PRICKLE2: variants seen among roughly 807,000 people sequenced by gnomAD.
The protein encoded by PRICKLE2 is prickle-like protein 2.
Under a neutral mutation model 81.4 loss-of-function variants are expected in PRICKLE2, and 21 were observed. The ratio of observed to expected loss-of-function variants is 0.26; its 90% CI spans 0.18 to 0.37. The LOEUF (loss-of-function observed/expected upper bound fraction) is 0.37, where lower values mean the gene tolerates loss of function less well. Ranked by LOEUF, PRICKLE2 falls within the 10% of genes least tolerant of loss-of-function variation. The pLI is 1.00. For synonymous variants in PRICKLE2, 456 were observed against 421.5 expected, an observed-to-expected ratio of 1.08 and a Z score of -1.00; for missense variants, 940 against 1,109.0, an observed-to-expected ratio of 0.85 and a Z score of 2.16.
rs567335855 is a variant in PRICKLE2, at chr3:64,109,824, G to C, written c.1661-9899C>G. The stretch of plus-strand genomic sequence containing the variant: ...GGACTTGCCTTTGAACTGGAGGTTG[G>C]GGAGTGACAAGCATTATAATGGGAC... On this transcript the variant is annotated intron_variant, in intron 7 of 7. Transcript: ENST00000638394. 3.3e-5 allele frequency among the ~76,000 whole-genome samples: 5 copies of C among 152,298 alleles called. No individual in the cohort carries two copies. In the East Asian group the frequency reaches 9.7e-4, roughly 29 times the overall value.
At chr3:64,186,599 C>T (rs1296135517) in intron 2 of PRICKLE2, among the ~76,000 whole-genome samples, 2 of 152,144 alleles carry the variant, frequency 1.3e-5, no homozygotes, top group Non-Finnish European at 2.9e-5. Flanking sequence ...TGGAAAGCTC[C>T]AGTTTTTGAT....
rs768032905 is a variant in PRICKLE2, at chr3:64,146,972, T to TTCCTCC, written c.1512_1517dup (p.Glu509_Glu510dup). Reference sequence around the variant, plus strand: ...TGGACAAGCCCCCTTCCTCTTCCTCTTCCTCCTCATATTTGGGGACTTGGA... The same window carrying TTCCTCC: ...TGGACAAGCCCCCTTCCTCTTCCTCTTCCTCCTCCTCCTCATATTTGGGGACTTGGA... On this transcript the variant is annotated inframe_insertion, in exon 7 of 8. Transcript: ENST00000638394. 6.2e-7 allele frequency: 1 copy of TTCCTCC among 1,614,112 alleles called. No homozygotes were observed. Among genetic ancestry groups the TTCCTCC allele is most frequent in the Non-Finnish European group, 8.5e-7 (1 of 1,180,002 alleles).
intron 1 of PRICKLE2, among the ~76,000 whole-genome samples, chr3:64,213,901 C>T (rs1031887414): frequency 2.0e-5 from 3 of 152,162 alleles, no homozygotes; most frequent in African/African-American, 7.2e-5. Flanking sequence ...TTTGGCAGCC[C>T]CTCCAGACTG....
intron 1 of PRICKLE2, among the ~76,000 whole-genome samples, chr3:64,220,059 T>C (rs9877584): frequency 1.3e-5 from 2 of 152,122 alleles, no homozygotes; most frequent in African/African-American, 4.8e-5. Context: ...CACAGACACA[T>C]AGACACCCAA....
At chr3:64,124,998 A>G (rs564195615) in intron 7 of PRICKLE2, among the ~76,000 whole-genome samples, 2 of 152,348 alleles carry the variant, frequency 1.3e-5, no homozygotes, top group South Asian at 4.1e-4. Context: ...AATCTTCTGG[A>G]AAGAATTCAC....
intron 2 of PRICKLE2, among the ~76,000 whole-genome samples, chr3:64,258,848 A>G (rs2079570680): frequency 9.1e-6 from 1 of 110,032 alleles, no homozygotes; most frequent in South Asian, 2.8e-4. Context: ...AAAAAAAAAA[A>G]GAAAGAAAGA....
chr3:64,146,902 T>G lies in PRICKLE2; in HGVS notation c.1588A>C (p.Thr530Pro), dbSNP rs777815929. Residue 530 changes from threonine to proline, a missense_variant, in exon 7 of 8, where the codon ACA becomes CCA. Transcript: ENST00000638394. Reference protein sequence around the residue: ...TRHPISSLKYTEDMTPTEQTP... With the variant: ...TRHPISSLKYPEDMTPTEQTP... ...TGCTCTGTGGGCGTCATGTCCTCTG[T>G]GTATTTCAGGGAACTGATGGGATGA... 3 of 1,614,102 alleles carry G rather than the reference T, an allele frequency of 1.9e-6. No individual in the cohort carries two copies. Among genetic ancestry groups the G allele is most frequent in the Non-Finnish European group, 2.5e-6 (3 of 1,180,006 alleles).
chr3:64,097,783 C>T lies in PRICKLE2; in HGVS notation c.*1268G>A, dbSNP rs898190642. The T allele has an allele frequency of 2.6e-5, 4 of 152,620 alleles. No homozygotes were observed. The highest frequency in any genetic ancestry group is 4.8e-5 in the African/African-American group (2 of 41,434). 9.5% of individuals were successfully genotyped at this position (152,620 alleles called of 1,614,324 possible). A position where few individuals can be genotyped will look rare whatever the true frequency, so the allele number is the denominator to read the frequency against. Reference sequence around the variant, plus strand: ...CTTTCTACAATCTCTGGGAGCTCTTCGAGGTGGTTGTCACCTGTCCTCTGT... The same window carrying T: ...CTTTCTACAATCTCTGGGAGCTCTTTGAGGTGGTTGTCACCTGTCCTCTGT... On this transcript the variant is annotated 3_prime_UTR_variant, in exon 8 of 8. Coordinates refer to ENST00000638394, the MANE Select transcript of PRICKLE2 (RefSeq NM_198859.4).
chr3:64,246,337 T>C (rs2079352839), intron 2 of PRICKLE2, among the ~76,000 whole-genome samples: 1 of 152,202 alleles, frequency 6.6e-6, no homozygotes, highest in South Asian at 2.1e-4. Context: ...CAAGGGATCT[T>C]GACGATGCTA....
At chr3:64,156,389 G>A (rs2077635673) in intron 5 of PRICKLE2, among the ~76,000 whole-genome samples, 2 of 152,190 alleles carry the variant, frequency 1.3e-5, no homozygotes, top group Non-Finnish European at 2.9e-5. Flanking sequence ...GAGAAAGATA[G>A]ATGCAAAAAA....
At chr3:64,177,118 T>C (rs1375476742) in intron 2 of PRICKLE2, among the ~76,000 whole-genome samples, 2 of 143,864 alleles carry the variant, frequency 1.4e-5, no homozygotes, top group Middle Eastern at 3.5e-3. Context: ...AGATTTGCCA[T>C]TTTAACCTTT....
At chr3:64,212,540 T>C (rs2078805680) in intron 1 of PRICKLE2, among the ~76,000 whole-genome samples, 2 of 152,194 alleles carry the variant, frequency 1.3e-5, no homozygotes, top group African/African-American at 2.4e-5. Flanking sequence ...TTGTTTAGTC[T>C]CTACCTTCTT....
chr3:64,170,038 C>T (rs2077903576), intron 2 of PRICKLE2, among the ~76,000 whole-genome samples: 1 of 152,056 alleles, frequency 6.6e-6, no homozygotes, highest in Non-Finnish European at 1.5e-5. Flanking sequence ...CCCCTATTTG[C>T]CAGAATTTCA....
At chr3:64,194,730 C>T (rs1412141297) in intron 2 of PRICKLE2, among the ~76,000 whole-genome samples, 2 of 152,158 alleles carry the variant, frequency 1.3e-5, no homozygotes, top group Non-Finnish European at 2.9e-5. Context: ...ACACTATTCA[C>T]TGTTTGAGTT....
intron 7 of PRICKLE2, among the ~76,000 whole-genome samples, chr3:64,107,849 T>C (rs2076780453): frequency 6.6e-6 from 1 of 152,200 alleles, no homozygotes; most frequent in African/African-American, 2.4e-5. Context: ...CACATTTCTG[T>C]GCAGTAAAGG....
Position 64,092,649 on chromosome 3 carries a change from C to T in PRICKLE2, c.*6402G>A, listed in dbSNP as rs1407790891. On this transcript the variant is annotated 3_prime_UTR_variant, in exon 8 of 8. Coordinates refer to ENST00000638394, the MANE Select transcript of PRICKLE2 (RefSeq NM_198859.4). ...GAACACAGACATGGATGTAATTCTC[C>T]AGACAGACCACTTATTATTTGCTTA... 6.6e-6 allele frequency: 1 copy of T among 152,170 alleles called. No homozygotes were observed. Among genetic ancestry groups the T allele is most frequent in the African/African-American group, 2.4e-5 (1 of 41,438 alleles). The allele number at this position is 152,170 out of a possible 1,614,324, so 9.4% of individuals were successfully genotyped here. A position where few individuals can be genotyped will look rare whatever the true frequency, so the allele number is the denominator to read the frequency against.
chr3:64,153,722 T>G (rs980327621), intron 5 of PRICKLE2: 20 of 273,928 alleles, frequency 7.3e-5, no homozygotes, highest in African/African-American at 4.4e-4. Context: ...CCATATTATT[T>G]TTTTAAATGG....
chr3:64,151,245 T>C (rs1415659631), intron 6 of PRICKLE2, among the ~76,000 whole-genome samples: 1 of 152,220 alleles, frequency 6.6e-6, no homozygotes, highest in Non-Finnish European at 1.5e-5. Flanking sequence ...AAATTATGTT[T>C]GGTAAAAAAG....
intron 7 of PRICKLE2, among the ~76,000 whole-genome samples, chr3:64,118,426 A>G (rs1254221166): frequency 1.3e-5 from 2 of 152,226 alleles, no homozygotes; most frequent in Non-Finnish European, 2.9e-5. Context: ...AGAAAAGGAG[A>G]ACATTTCTGC....
Sources: allele counts gnomAD v4.1 joint callset (sites outside exome capture counted in the v4.1 genomes callset), GRCh38; gene constraint gnomAD v4.1.1; transcripts MANE v1.5; gene names NCBI Gene and HGNC (gene_info 2026-07-23, HGNC 2026-07-21).